Variants in LINGO2 observed in about 807,000 individuals in gnomAD.
LINGO2 encodes the protein leucine rich repeat and Ig domain containing 2.
Under a neutral mutation model 30.6 loss-of-function variants are expected in LINGO2, and 14 were observed. That is an observed-to-expected ratio of 0.46 (90% CI 0.30 to 0.72). The LOEUF (loss-of-function observed/expected upper bound fraction) is 0.72. Ranked by LOEUF, LINGO2 falls within the 30% of genes least tolerant of loss-of-function variation. LINGO2 has a pLI of 0.07. For synonymous variants in LINGO2, 317 were observed against 288.5 expected, an observed-to-expected ratio of 1.10 and a Z score of -1.00; for missense variants, 729 against 751.7, an observed-to-expected ratio of 0.97 and a Z score of 0.35.
chr9:28,572,883 A>AT (rs1310481829), intron 1 of LINGO2, among the ~76,000 whole-genome samples: 3 of 152,174 alleles, frequency 2.0e-5, no homozygotes, highest in Admixed American at 6.5e-5. Flanking sequence ...GGAGTTCATA[A>AT]TTTGAGATGT....
chr9:28,250,552 G>C (rs1420981647), intron 4 of LINGO2, among the ~76,000 whole-genome samples: 3 of 152,090 alleles, frequency 2.0e-5, no homozygotes, highest in African/African-American at 7.2e-5. Flanking sequence ...AAAACTTTTA[G>C]ACTTTAATAA....
At chr9:27,981,303 CT>C (rs1318464721) in intron 5 of LINGO2, among the ~76,000 whole-genome samples, 1 of 151,532 alleles carries the variant, frequency 6.6e-6, no homozygotes, top group African/African-American at 2.4e-5. Flanking sequence ...ATAATATTAT[CT>C]CCATTTACAG....
the LINGO2 span, among the ~76,000 whole-genome samples, chr9:28,960,276 G>T: frequency 6.6e-6 from 1 of 152,186 alleles, no homozygotes; most frequent in African/African-American, 2.4e-5. Flanking sequence ...AAGGCACGAA[G>T]ATTGCTTGAA....
At chr9:28,392,413 A>G (rs1821876650) in intron 2 of LINGO2, among the ~76,000 whole-genome samples, 3 of 152,126 alleles carry the variant, frequency 2.0e-5, no homozygotes, top group African/African-American at 7.2e-5. Context: ...GCTCACATAA[A>G]AGTCATGTAA....
chr9:28,603,893 C>G lies in LINGO2; in HGVS notation c.-365+66307G>C, dbSNP rs1825595211. Among the ~76,000 whole-genome samples the G allele has an allele frequency of 3.3e-5, 5 of 152,142 alleles. No homozygotes were observed. The South Asian group carries it at 1.0e-3, about 32-fold the overall frequency. On this transcript the variant is annotated intron_variant, in intron 1 of 5. Transcript: ENST00000379992. ...ATTGAAGTATTGAATGTAATTGAGA[C>G]TCGTCTGCTTAGACTCACCCATGTA...
chr9:29,044,673 A>G, the LINGO2 span, among the ~76,000 whole-genome samples: 1 of 152,058 alleles, frequency 6.6e-6, no homozygotes, highest in Non-Finnish European at 1.5e-5. Flanking sequence ...ACTGAAACAT[A>G]TTCAAGTAAC....
At chr9:29,034,175 A>G in the LINGO2 span, among the ~76,000 whole-genome samples, 1 of 152,134 alleles carries the variant, frequency 6.6e-6, no homozygotes, top group African/African-American at 2.4e-5. Context: ...GTATATACCA[A>G]CAAAATTGTT....
chr9:28,682,274 C>A, the LINGO2 span, among the ~76,000 whole-genome samples: 2 of 152,170 alleles, frequency 1.3e-5, no homozygotes, highest in East Asian at 3.8e-4. Flanking sequence ...TGGAAAAAAG[C>A]TCATGGAACC....
intron 1 of LINGO2, among the ~76,000 whole-genome samples, chr9:28,625,813 T>A (rs1393528009): frequency 1.3e-5 from 2 of 152,120 alleles, no homozygotes; most frequent in Non-Finnish European, 2.9e-5. Context: ...ACTGTTTGCA[T>A]CGTATAGCTT....
chr9:28,574,202 G>C (rs1257259414), intron 1 of LINGO2, among the ~76,000 whole-genome samples: 1 of 152,158 alleles, frequency 6.6e-6, no homozygotes. Flanking sequence ...TAGTTACTAA[G>C]ACTCAACTGT....
At chr9:28,433,949 C>CTCTCTCTATA (rs1225323260) in intron 2 of LINGO2, among the ~76,000 whole-genome samples, 7 of 88,478 alleles carry the variant, frequency 7.9e-5, no homozygotes, top group African/African-American at 2.7e-4. Context: ...CTCTCTCTCT[C>CTCTCTCTATA]TATATATATA....
chr9:28,035,094 A>G (rs116024569), intron 4 of LINGO2, among the ~76,000 whole-genome samples: 1,663 of 152,316 alleles, frequency 0.011, 36 homozygotes, highest in African/African-American at 0.038. Flanking sequence ...AAAAAACCAA[A>G]AATTATGCAT....
intron 4 of LINGO2, among the ~76,000 whole-genome samples, chr9:28,218,955 C>T (rs191155731): frequency 2.0e-5 from 3 of 152,290 alleles, no homozygotes; most frequent in Non-Finnish European, 2.9e-5. Flanking sequence ...ATAATTTGCA[C>T]GTTAGCTTGG....
chr9:28,125,154 A>G (rs1827202588), intron 4 of LINGO2, among the ~76,000 whole-genome samples: 1 of 152,232 alleles, frequency 6.6e-6, no homozygotes, highest in Non-Finnish European at 1.5e-5. Flanking sequence ...AGTGTAAGGA[A>G]GAAGAAAAAT....
the LINGO2 span, among the ~76,000 whole-genome samples, chr9:29,197,164 A>C: frequency 6.6e-6 from 1 of 152,164 alleles, no homozygotes; most frequent in East Asian, 1.9e-4. Context: ...CATTACAAAG[A>C]GATTTCTGGT....
At chr9:28,883,634 A>ATATATATATATATATG in the LINGO2 span, among the ~76,000 whole-genome samples, 1 of 81,794 alleles carries the variant, frequency 1.2e-5, no homozygotes, top group African/African-American at 5.1e-5. Flanking sequence ...GTGTGTATAT[A>ATATATATATATATATG]TATATATATA....
chr9:28,569,385 A>G (rs1269082509), intron 1 of LINGO2, among the ~76,000 whole-genome samples: 2 of 151,032 alleles, frequency 1.3e-5, no homozygotes, highest in East Asian at 3.9e-4. Context: ...TAGAAATAAC[A>G]TAAATTCCTA....
intron 4 of LINGO2, among the ~76,000 whole-genome samples, chr9:28,274,099 T>C (rs1460021359): frequency 6.6e-6 from 1 of 152,184 alleles, no homozygotes; most frequent in East Asian, 1.9e-4. Flanking sequence ...ATATTTACTG[T>C]AGATGATGAC....
chr9:28,931,456 C>T, the LINGO2 span, among the ~76,000 whole-genome samples: 2 of 152,162 alleles, frequency 1.3e-5, no homozygotes, highest in African/African-American at 4.8e-5. Flanking sequence ...TACTCAATGC[C>T]TTCAGACAGT....
Sources: allele counts gnomAD v4.1 joint callset (sites outside exome capture counted in the v4.1 genomes callset), GRCh38; gene constraint gnomAD v4.1.1; transcripts MANE v1.5; gene names NCBI Gene and HGNC (gene_info 2026-07-23, HGNC 2026-07-21).